Variants in MARCHF8 observed in about 807,000 individuals in gnomAD.
MARCHF8 encodes the protein E3 ubiquitin-protein ligase MARCHF8.
In MARCHF8, 40 loss-of-function variants were observed where a neutral mutation model predicts 51.6. That is an observed-to-expected ratio of 0.77 (90% CI 0.60 to 1.01). The LOEUF is 1.01. Among genes scored for constraint, MARCHF8 ranks in the 50% least tolerant of loss-of-function variants. The probability of loss-of-function intolerance (pLI) is 0.00; values close to 1 mark genes in which losing one functional copy is unlikely to be tolerated. For synonymous variants in MARCHF8, 263 were observed against 280.3 expected, an observed-to-expected ratio of 0.94 and a Z score of 0.62; for missense variants, 685 against 708.6, an observed-to-expected ratio of 0.97 and a Z score of 0.38.
upstream of MARCHF8, among the ~76,000 whole-genome samples, chr10:45,536,319 C>A (rs1053115840): frequency 6.6e-6 from 1 of 152,010 alleles, no homozygotes; most frequent in African/African-American, 2.4e-5. Context: ...CTGTTTTCAA[C>A]AAATGGTGCT....
chr10:45,584,147 A>ATATG (rs2044590129), intron 1 of MARCHF8, among the ~76,000 whole-genome samples: 1 of 131,036 alleles, frequency 7.6e-6, no homozygotes, highest in Non-Finnish European at 1.6e-5. Flanking sequence ...ATATATATAT[A>ATATG]TATATATATA....
At position 45,547,614 on chromosome 10, in the gene MARCHF8, GT is replaced by G. The variant is rs1050617302; in HGVS notation, c.-78-14326del. 1.2e-4 allele frequency among the ~76,000 whole-genome samples: 18 copies of G among 152,192 alleles called. 1 individual carries two copies. The East Asian group carries it at 1.7e-3, about 15-fold the overall frequency. On this transcript the variant is annotated intron_variant, in intron 1 of 6. Transcript: ENST00000319836. ...TCAGGTGAACCTAAAATATGTAGCG[GT>G]TTTTTTGTTTTTTGTTTTTTTAATT...
rs139910133 is a variant in MARCHF8, at chr10:45,465,835, C to T, written c.154-1508G>A. Among the ~76,000 whole-genome samples the T allele has an allele frequency of 1.5e-3, 235 of 152,364 alleles. 1 individual carries two copies. Among genetic ancestry groups the T allele is most frequent in the African/African-American group, 5.3e-3 (221 of 41,582 alleles). On this transcript the variant is annotated intron_variant, in intron 3 of 7. Transcript: ENST00000453424. ...TTTTCTAACTGAATGTGCATATGGG[C>T]ATGAGGTACACGGTCTTTAAAAGCA... is the stretch of plus-strand genomic sequence containing the variant.
At chr10:45,502,369 C>G (rs549536011) in intron 2 of MARCHF8, among the ~76,000 whole-genome samples, 23 of 152,238 alleles carry the variant, frequency 1.5e-4, no homozygotes, top group African/African-American at 5.1e-4. Flanking sequence ...TTATTCCAAA[C>G]AGTAAACGAG....
At chr10:45,545,928 T>G (rs2044114132) in intron 1 of MARCHF8, among the ~76,000 whole-genome samples, 2 of 152,164 alleles carry the variant, frequency 1.3e-5, no homozygotes. Flanking sequence ...AAGATTGCCC[T>G]GCTCCTGCCT....
At chr10:45,590,250 T>C (rs2044663286) in intron 1 of MARCHF8, among the ~76,000 whole-genome samples, 1 of 152,234 alleles carries the variant, frequency 6.6e-6, no homozygotes, top group Non-Finnish European at 1.5e-5. Context: ...ACTGGCTATT[T>C]GTATGTCTTA....
chr10:45,459,395 C>T, intron 6 of MARCHF8, 128 bp from the exon 7 acceptor site: 2 of 1,091,756 alleles, frequency 1.8e-6, no homozygotes, highest in Non-Finnish European at 2.6e-6. Context: ...ATGCATTCCC[C>T]CAAGTATTGT....
intron 2 of MARCHF8, among the ~76,000 whole-genome samples, chr10:45,498,874 C>T (rs943184437): frequency 6.6e-6 from 1 of 152,202 alleles, no homozygotes; most frequent in Non-Finnish European, 1.5e-5. Flanking sequence ...TGTATTGCTT[C>T]CACCCTTTGG....
At chr10:45,544,198 G>A (rs926154581) in intron 1 of MARCHF8, among the ~76,000 whole-genome samples, 5 of 152,114 alleles carry the variant, frequency 3.3e-5, no homozygotes, top group African/African-American at 9.7e-5. Flanking sequence ...ACACTAGAAT[G>A]GCTCCAATCA....
At chr10:45,468,903 C>G (rs1264120117) in intron 3 of MARCHF8, among the ~76,000 whole-genome samples, 4 of 152,080 alleles carry the variant, frequency 2.6e-5, no homozygotes, top group Admixed American at 6.6e-5. Flanking sequence ...TAAACCTCCA[C>G]AGGATGACAA....
chr10:45,468,058 C>T, intron 3 of MARCHF8, among the ~76,000 whole-genome samples: 1 of 152,122 alleles, frequency 6.6e-6, no homozygotes, highest in East Asian at 1.9e-4. Flanking sequence ...GGATTTCTAT[C>T]CAAGCCTAAA....
intron 1 of MARCHF8, among the ~76,000 whole-genome samples, chr10:45,585,379 T>C (rs2044607529): frequency 6.6e-6 from 1 of 152,148 alleles, no homozygotes; most frequent in Admixed American, 6.5e-5. Context: ...ATATTCATAA[T>C]GTAACACAAT....
intron 1 of MARCHF8, among the ~76,000 whole-genome samples, chr10:45,570,390 C>T (rs1026459454): frequency 1.3e-5 from 2 of 152,102 alleles, no homozygotes; most frequent in Admixed American, 1.3e-4. Context: ...ACTATAATAC[C>T]AGATGCAATG....
upstream of MARCHF8, among the ~76,000 whole-genome samples, chr10:45,535,781 C>T (rs2043963331): frequency 6.6e-6 from 1 of 152,126 alleles, no homozygotes; most frequent in African/African-American, 2.4e-5. Context: ...CACAGAATAA[C>T]AGTTAAACCT....
intron 2 of MARCHF8, among the ~76,000 whole-genome samples, chr10:45,492,384 G>A (rs1445632371): frequency 1.3e-5 from 2 of 151,136 alleles, no homozygotes; most frequent in Non-Finnish European, 2.9e-5. Flanking sequence ...TGCACGCTCC[G>A]CCTCCCAGGT....
chr10:45,520,060 C>T (rs1166139462), intron 2 of MARCHF8, among the ~76,000 whole-genome samples: 1 of 152,186 alleles, frequency 6.6e-6, no homozygotes, highest in Admixed American at 6.5e-5. Context: ...ACTCAAATCC[C>T]ACCTCCATCA....
At chr10:45,468,138 T>C (rs17157836) in intron 3 of MARCHF8, among the ~76,000 whole-genome samples, 9,434 of 152,306 alleles carry the variant, frequency 0.062, 333 homozygotes, top group Non-Finnish European at 0.067. Flanking sequence ...ATCCAAGTCT[T>C]TTAGTGGCTG....
At chr10:45,575,231 T>C (rs778570046) in intron 1 of MARCHF8, among the ~76,000 whole-genome samples, 15 of 152,108 alleles carry the variant, frequency 9.9e-5, no homozygotes, top group Non-Finnish European at 2.1e-4. Context: ...GCAGCCAGCG[T>C]TCCAACTTCT....
chr10:45,541,466 TGTAA>T (rs1291791185), intron 1 of MARCHF8, among the ~76,000 whole-genome samples: 1 of 152,132 alleles, frequency 6.6e-6, no homozygotes, highest in Non-Finnish European at 1.5e-5. Flanking sequence ...ATATACCTAA[TGTAA>T]ATGAAGAGTT....
Sources: allele counts gnomAD v4.1 joint callset (sites outside exome capture counted in the v4.1 genomes callset), GRCh38; gene constraint gnomAD v4.1.1; transcripts MANE v1.5; gene names NCBI Gene and HGNC (gene_info 2026-07-23, HGNC 2026-07-21).